Variants in PIGN observed in about 807,000 individuals in gnomAD.
The protein encoded by PIGN is GPI ethanolamine phosphate transferase 1.
PIGN carries 117 observed loss-of-function variants against 125.4 expected under a neutral mutation model. The observed-to-expected ratio is 0.93, with a 90% CI of 0.80 to 1.09. PIGN has a LOEUF of 1.09. Ranked by LOEUF, PIGN falls within the 50% of genes least tolerant of loss-of-function variation. The pLI is 0.00. For missense variants in PIGN, 1,075 were observed against 1,094.9 expected, an observed-to-expected ratio of 0.98 and a Z score of 0.26; for synonymous variants, 392 against 377.8, an observed-to-expected ratio of 1.04 and a Z score of -0.44.
chr18:62,177,451 T>C (rs927258564), intron 1 of PIGN, among the ~76,000 whole-genome samples: 2 of 152,196 alleles, frequency 1.3e-5, no homozygotes, highest in East Asian at 1.9e-4. Flanking sequence ...TGGTTTCCCA[T>C]AGCATTTTGA....
In PIGN at chr18:62,047,254, C is replaced by T. The variant is rs967731621; in HGVS notation, c.2673-1275G>A. The stretch of plus-strand genomic sequence containing the variant: ...CACTCTAACTCCCCGGCTATGCCCT[C>T]CCCTCCACTGTCATGGTGTCAGGGA... On this transcript the variant is annotated intron_variant, in intron 30 of 30. Transcript: ENST00000640252. Among the ~76,000 whole-genome samples, 4 of 152,234 alleles carry T rather than the reference C, an allele frequency of 2.6e-5. No homozygotes were observed. The East Asian group carries it at 7.7e-4, about 29-fold the overall frequency.
At chr18:62,039,149 G>A (rs1266984333), downstream of PIGN, among the ~76,000 whole-genome samples, 1 of 151,726 alleles carries the variant, frequency 6.6e-6, no homozygotes, top group Non-Finnish European at 1.5e-5. Context: ...CACTTCTAAT[G>A]CATTTATGTA....
intron 30 of PIGN, among the ~76,000 whole-genome samples, chr18:62,064,079 A>C (rs1278791052): frequency 6.6e-6 from 1 of 152,210 alleles, no homozygotes; most frequent in Non-Finnish European, 1.5e-5. Flanking sequence ...AAGCATAATA[A>C]AACAAACAAA....
At chr18:62,168,548 T>C (rs867992520) in intron 1 of PIGN, among the ~76,000 whole-genome samples, 1 of 152,210 alleles carries the variant, frequency 6.6e-6, no homozygotes, top group African/African-American at 2.4e-5. Flanking sequence ...TGACTCTTTA[T>C]TCCTAAATAC....
intron 14 of PIGN, among the ~76,000 whole-genome samples, chr18:62,125,077 T>TGTTTGTACATACATGTATATATACAC (rs1568202567): frequency 4.8e-5 from 7 of 146,348 alleles, no homozygotes; most frequent in African/African-American, 1.6e-4. Flanking sequence ...TAAATATACA[T>TGTTTGTACATACATGTATATATACAC]GTTTGTACAT....
At chr18:62,169,439 G>A (rs1033353819) in intron 1 of PIGN, among the ~76,000 whole-genome samples, 7 of 151,280 alleles carry the variant, frequency 4.6e-5, no homozygotes, top group African/African-American at 1.2e-4. Context: ...ATGTATGGGC[G>A]TGTGCTTTCA....
In PIGN at chr18:62,048,779, G is replaced by C. The variant is rs867816754; in HGVS notation, c.2673-2800C>G. Among the ~76,000 whole-genome samples the C allele has an allele frequency of 1.5e-3, 229 of 149,510 alleles. 1 individual carries two copies. Among genetic ancestry groups the C allele is most frequent in the African/African-American group, 5.2e-3 (213 of 40,592 alleles). On this transcript the variant is annotated intron_variant, in intron 30 of 30. Coordinates refer to ENST00000640252, the MANE Select transcript of PIGN (RefSeq NM_176787.5). ...AGGTTAGTTACATATGTATACATGT[G>C]CCATGCTGGTGTGCTGCACCCATTA...
rs926350479 is a variant in PIGN, at chr18:62,045,886, T to C, written c.2766A>G (p.Leu922=). Residue 922 remains leucine, a synonymous_variant, in exon 31 of 31, where the codon CTA becomes CTG. Coordinates refer to ENST00000640252, the MANE Select transcript of PIGN (RefSeq NM_176787.5). ...AQLLTTKKLR[L]CGKPKSHFM is the part of the protein sequence containing the mutation. ...TGAAGTGACTTTTGGGTTTGCCACA[T>C]AGTCTGAGTTTCTTCGTTGTGAGCA... 8.1e-6 allele frequency: 13 copies of C among 1,613,696 alleles called. No individual in the cohort carries two copies. Among genetic ancestry groups the C allele is most frequent in the Non-Finnish European group, 7.6e-6 (9 of 1,179,804 alleles).
intron 16 of PIGN, among the ~76,000 whole-genome samples, chr18:62,110,934 G>A (rs888218753): frequency 1.6e-4 from 23 of 148,222 alleles, no homozygotes; most frequent in African/African-American, 4.4e-4. Context: ...TTTTATTAAC[G>A]TACCAAACTC....
intron 28 of PIGN, among the ~76,000 whole-genome samples, chr18:62,082,168 G>C (rs892773707): frequency 6.6e-6 from 1 of 152,066 alleles, no homozygotes; most frequent in African/African-American, 2.4e-5. Context: ...TCAAAACTCA[G>C]AAAGAATACT....
chr18:62,114,595 C>CAGAA lies in PIGN; in HGVS notation c.1216_1217insTTCT (p.Arg406IlefsTer11), dbSNP rs1381812576. The CAGAA allele has an allele frequency of 2.6e-6, 4 of 1,524,342 alleles. No individual in the cohort carries two copies. In the South Asian group the frequency reaches 4.8e-5, roughly 18 times the overall value. 94.4% of individuals were successfully genotyped at this position (1,524,342 alleles called of 1,614,324 possible). On this transcript the variant is annotated frameshift_variant, in exon 15 of 31. Coordinates refer to ENST00000640252, the MANE Select transcript of PIGN (RefSeq NM_176787.5). LOFTEE classifies it high-confidence loss of function. Reference sequence around the variant, plus strand: ...AAACTTTCTGTGTTTTATATAAGATCTTGCTTTTCTTAAAATGTTGAACTG... The same window carrying CAGAA: ...AAACTTTCTGTGTTTTATATAAGATCAGAATTGCTTTTCTTAAAATGTTGAACTG...
chr18:62,110,269 T>C (rs1013276483), intron 16 of PIGN: 2 of 153,350 alleles, frequency 1.3e-5, no homozygotes, highest in Non-Finnish European at 2.1e-5. Context: ...TGAACATGTT[T>C]CCTTTTAGGA....
intron 14 of PIGN, among the ~76,000 whole-genome samples, chr18:62,115,105 A>G (rs1200259183): frequency 1.3e-5 from 2 of 152,188 alleles, no homozygotes; most frequent in Non-Finnish European, 2.9e-5. Flanking sequence ...CCAGGCAGAG[A>G]CTAACCACCA....
chr18:62,139,399 T>C (rs1178125020), intron 12 of PIGN, among the ~76,000 whole-genome samples: 1 of 151,918 alleles, frequency 6.6e-6, no homozygotes, highest in African/African-American at 2.4e-5. Context: ...ACAGCCAGCA[T>C]ACTTAAAATA....
intron 22 of PIGN, among the ~76,000 whole-genome samples, chr18:62,096,356 T>C (rs1165897186): frequency 1.3e-5 from 2 of 152,118 alleles, no homozygotes; most frequent in Admixed American, 6.5e-5. Context: ...CATTTATTGT[T>C]TTGTGACCTT....
rs150216663 is a variant in PIGN, at chr18:62,138,661, G to T, written c.1116+322C>A. Among the ~76,000 whole-genome samples, 234 of 152,236 alleles carry T rather than the reference G, an allele frequency of 1.5e-3. 1 individual carries two copies. Among genetic ancestry groups the T allele is most frequent in the African/African-American group, 5.2e-3 (218 of 41,540 alleles). On this transcript the variant is annotated intron_variant, in intron 13 of 30. Transcript: ENST00000640252. ...TCTTAAGGAATCTCATAACATACAT[G>T]GAATGACAAGAAATGTTGCAATCTC... is the stretch of plus-strand genomic sequence containing the variant.
At chr18:62,124,240 TA>T (rs2146836848) in intron 14 of PIGN, among the ~76,000 whole-genome samples, 1 of 152,298 alleles carries the variant, frequency 6.6e-6, no homozygotes, top group East Asian at 1.9e-4. Context: ...GAAATACCAT[TA>T]TTTACTATAT....
intron 23 of PIGN, among the ~76,000 whole-genome samples, chr18:62,033,881 C>G (rs912910243): frequency 2.6e-5 from 4 of 152,190 alleles, no homozygotes; most frequent in African/African-American, 9.7e-5. Flanking sequence ...TAATCTAAGT[C>G]ATAAGTGCAT....
chr18:62,124,504 T>A (rs2035427206), intron 14 of PIGN, among the ~76,000 whole-genome samples: 1 of 152,140 alleles, frequency 6.6e-6, no homozygotes, highest in South Asian at 2.1e-4. Flanking sequence ...GTTTATTATC[T>A]CTAAAGTGGA....
Sources: allele counts gnomAD v4.1 joint callset (sites outside exome capture counted in the v4.1 genomes callset), GRCh38; gene constraint gnomAD v4.1.1; transcripts MANE v1.5; gene names NCBI Gene and HGNC (gene_info 2026-07-23, HGNC 2026-07-21).